MCF2L2: variants seen among roughly 807,000 people sequenced by gnomAD.
MCF2L2 encodes MCF.2 cell line derived transforming sequence-like 2, also known as probable guanine nucleotide exchange factor MCF2L2.
In MCF2L2, 102 loss-of-function variants were observed where a neutral mutation model predicts 150.2. The observed-to-expected ratio is 0.68, with a 90% CI of 0.58 to 0.80. The LOEUF (loss-of-function observed/expected upper bound fraction) is 0.80, where lower values mean the gene tolerates loss of function less well. Ranked by LOEUF, MCF2L2 falls within the 30% of genes least tolerant of loss-of-function variation. The probability of loss-of-function intolerance (pLI) is 0.00; values close to 1 mark genes in which losing one functional copy is unlikely to be tolerated. For synonymous variants in MCF2L2, 465 were observed against 491.3 expected (o/e 0.95, Z 0.71); for missense variants, 1,256 against 1,372.8 (o/e 0.91, Z 1.34).
chr3:183,304,462 A>ATTTTTTTTTTTTTTTTTTTTTTTTTTTTT (rs36115279), intron 10 of MCF2L2, among the ~76,000 whole-genome samples: 1 of 114,134 alleles, frequency 8.8e-6, no homozygotes, highest in Non-Finnish European at 1.7e-5. Flanking sequence ...CTGGGCAGTG[A>ATTTTTTTTTTTTTTTTTTTTTTTTTTTTT]TTTTTTTTTT....
intron 15 of MCF2L2, among the ~76,000 whole-genome samples, chr3:183,259,155 T>C (rs1429917924): frequency 6.6e-6 from 1 of 152,196 alleles, no homozygotes; most frequent in East Asian, 1.9e-4. Context: ...CCCAACATAA[T>C]GCAACATTTC....
intron 9 of MCF2L2, 29 bp from the exon 10 acceptor site, chr3:183,309,864 G>A (rs373181940): frequency 6.2e-7 from 1 of 1,611,664 alleles, no homozygotes; most frequent in Admixed American, 1.7e-5. Context: ...CAGTCCAGAA[G>A]TAAACCAACA....
chr3:183,303,578 C>T (rs182622651), intron 10 of MCF2L2, among the ~76,000 whole-genome samples: 105 of 152,270 alleles, frequency 6.9e-4, no homozygotes, highest in African/African-American at 2.4e-3. Flanking sequence ...TTCCTCTTAC[C>T]CTCCCAGTCA....
chr3:183,414,610 G>C (rs1715490136), intron 1 of MCF2L2, among the ~76,000 whole-genome samples: 1 of 151,968 alleles, frequency 6.6e-6, no homozygotes, highest in Admixed American at 6.5e-5. Flanking sequence ...TATTTAGGTT[G>C]CTTTTCTTTT....
chr3:183,342,032 C>T (rs917161444), intron 3 of MCF2L2, among the ~76,000 whole-genome samples: 11 of 152,172 alleles, frequency 7.2e-5, no homozygotes, highest in African/African-American at 2.7e-4. Flanking sequence ...AGCTATGAGG[C>T]TCTAGAGCAG....
At chr3:183,422,523 TG>T (rs998209311) in intron 1 of MCF2L2, among the ~76,000 whole-genome samples, 5 of 152,116 alleles carry the variant, frequency 3.3e-5, no homozygotes, top group Non-Finnish European at 5.9e-5. Context: ...GTCCTATGAA[TG>T]GGGGCTGGGT....
chr3:183,222,721 C>T (rs1723192416), intron 20 of MCF2L2, among the ~76,000 whole-genome samples: 2 of 152,082 alleles, frequency 1.3e-5, no homozygotes, highest in Non-Finnish European at 2.9e-5. Flanking sequence ...ATCGTGGTGG[C>T]CCAAACCTTT....
intron 6 of MCF2L2, among the ~76,000 whole-genome samples, chr3:183,322,447 C>A (rs1321986302): frequency 6.6e-6 from 1 of 152,150 alleles, no homozygotes; most frequent in African/African-American, 2.4e-5. Context: ...TACCAGTTAA[C>A]TTTCCCCACT....
chr3:183,283,118 C>G lies in MCF2L2; in HGVS notation c.1776+6002G>C, dbSNP rs576044820. 6.6e-6 allele frequency among the ~76,000 whole-genome samples: 1 copy of G among 152,330 alleles called. No homozygotes were observed. Among genetic ancestry groups the G allele is most frequent in the East Asian group, 1.9e-4 (1 of 5,196 alleles). On this transcript the variant is annotated intron_variant, in intron 14 of 29. Transcript: ENST00000328913. This position sits in a 1 kb window ranked among gnomAD's most constrained non-coding sequence, Gnocchi z 4.2. The stretch of plus-strand genomic sequence containing the variant: ...CTACCTTCTCTGCCTTGATCCCCTC[C>G]TTCATTCTACACATTTTCTCTGATA...
At chr3:183,361,120 A>AGACAAGACAAGACAAGAC (rs1712173139) in intron 3 of MCF2L2, among the ~76,000 whole-genome samples, 1 of 88,824 alleles carries the variant, frequency 1.1e-5, no homozygotes, top group African/African-American at 9.6e-5. Context: ...GAAAAAAGAA[A>AGACAAGACAAGACAAGAC]AAGAAAAGAA....
chr3:183,292,157 TA>T (rs1728188555), intron 13 of MCF2L2, among the ~76,000 whole-genome samples: 1 of 152,124 alleles, frequency 6.6e-6, no homozygotes, highest in African/African-American at 2.4e-5. Context: ...GGCTTACTTC[TA>T]AAAAGTAGGA....
Position 183,298,792 on chromosome 3 carries a change from C to CACACACACACA in MCF2L2, c.1305+1212_1305+1213insTGTGTGTGTGT, listed in dbSNP as rs1553777011. ...ACACACACACACACACACACACACA[C>CACACACACACA]ACCAGGCTTATAATCTCTGGAGCAA... On this transcript the variant is annotated intron_variant, in intron 11 of 29. Transcript: ENST00000328913. 3 of 152,398 alleles carry CACACACACACA rather than the reference C, an allele frequency of 2.0e-5. 1 individual carries two copies. The highest frequency in any genetic ancestry group is 3.4e-3 in the Middle Eastern group (1 of 294). 9.4% of individuals were successfully genotyped at this position (152,398 alleles called of 1,614,324 possible). A position where few individuals can be genotyped will look rare whatever the true frequency, so the allele number is the denominator to read the frequency against.
intron 15 of MCF2L2, among the ~76,000 whole-genome samples, chr3:183,275,411 T>C (rs1025019662): frequency 1.3e-5 from 2 of 152,264 alleles, no homozygotes; most frequent in South Asian, 4.1e-4. Flanking sequence ...TTAAGGTATT[T>C]AGTCAAAGCT....
chr3:183,254,074 C>T (rs1023311715), intron 15 of MCF2L2: 1 of 151,938 alleles, frequency 6.6e-6, no homozygotes, highest in Non-Finnish European at 1.5e-5. Flanking sequence ...CCGCCCCGCC[C>T]CCGCCCCGCC....
intron 25 of MCF2L2, among the ~76,000 whole-genome samples, chr3:183,201,608 C>T (rs1390983069): frequency 6.6e-6 from 1 of 152,130 alleles, no homozygotes; most frequent in Admixed American, 6.6e-5. Flanking sequence ...TAATTCAATA[C>T]CCTTTATTTC....
At chr3:183,222,566 A>G (rs1723187643) in intron 20 of MCF2L2, among the ~76,000 whole-genome samples, 1 of 152,142 alleles carries the variant, frequency 6.6e-6, no homozygotes. Context: ...GAAAGAAAGA[A>G]AGAAAAAAGA....
At chr3:183,354,556 C>G (rs146852845) in intron 3 of MCF2L2, among the ~76,000 whole-genome samples, 58 of 146,950 alleles carry the variant, frequency 3.9e-4, no homozygotes, top group African/African-American at 1.4e-3. Context: ...ATAACTTAAC[C>G]ATTTCAACCA....
At position 183,274,629 on chromosome 3, in the gene MCF2L2, G is replaced by A. The variant is rs146178505; in HGVS notation, c.1862+2243C>T. On this transcript the variant is annotated intron_variant, in intron 15 of 29. Coordinates refer to ENST00000328913, the MANE Select transcript of MCF2L2 (RefSeq NM_015078.4). Reference sequence around the variant, plus strand: ...GAGTGTTTGTAGTTGGTACTAAAATGTGATGACTTGGAAGAATTAATTAAT... The same window carrying A: ...GAGTGTTTGTAGTTGGTACTAAAATATGATGACTTGGAAGAATTAATTAAT... Among the ~76,000 whole-genome samples, 78 of 152,326 alleles carry A rather than the reference G, an allele frequency of 5.1e-4. 1 individual carries two copies. The highest frequency in any genetic ancestry group is 1.8e-3 in the African/African-American group (75 of 41,576).
At chr3:183,209,910 G>A (rs186157587) in intron 22 of MCF2L2, among the ~76,000 whole-genome samples, 39 of 151,288 alleles carry the variant, frequency 2.6e-4, no homozygotes, top group Non-Finnish European at 1.2e-4. Context: ...AACTCAGTAC[G>A]TATGCAAATA....
Sources: allele counts gnomAD v4.1 joint callset (sites outside exome capture counted in the v4.1 genomes callset), GRCh38; gene constraint gnomAD v4.1.1; non-coding constraint Gnocchi (gnomAD v3.1); transcripts MANE v1.5; gene names NCBI Gene and HGNC (gene_info 2026-07-23, HGNC 2026-07-21).